The following GNA12 variants were observed in gnomAD, a reference collection of about 807,000 sequenced individuals.
The protein encoded by GNA12 is G protein subunit alpha 12.
In GNA12, 9 loss-of-function variants were observed where a neutral mutation model predicts 26.0. That is an observed-to-expected ratio of 0.35 (90% CI 0.21 to 0.60). The LOEUF (loss-of-function observed/expected upper bound fraction) is 0.60, where lower values mean the gene tolerates loss of function less well. Ranked by LOEUF, GNA12 falls within the 20% of genes least tolerant of loss-of-function variation. The probability of loss-of-function intolerance (pLI) is 0.78; values close to 1 mark genes in which losing one functional copy is unlikely to be tolerated. For missense variants in GNA12, 405 were observed against 525.8 expected (o/e 0.77, Z 2.25); for synonymous variants, 264 against 219.6 (o/e 1.20, Z -1.79).
At chr7:2,838,467 C>T (rs1337616373) in intron 1 of GNA12, among the ~76,000 whole-genome samples, 1 of 151,918 alleles carries the variant, frequency 6.6e-6, no homozygotes, top group East Asian at 1.9e-4. Context: ...ATCTGTAGTC[C>T]CGGCTACTAG....
intron 2 of GNA12, among the ~76,000 whole-genome samples, chr7:2,783,407 C>A (rs764251880): frequency 6.6e-6 from 1 of 152,114 alleles, no homozygotes; most frequent in Non-Finnish European, 1.5e-5. Context: ...CCTCTCCCTG[C>A]CCTGCTTCTC....
chr7:2,815,102 G>T, intron 1 of GNA12: 1 of 1,096,864 alleles, frequency 9.1e-7, no homozygotes, highest in Non-Finnish European at 1.3e-6. Context: ...GACAGACAAG[G>T]CCTTGCCCGC....
intron 1 of GNA12, among the ~76,000 whole-genome samples, chr7:2,806,146 T>C (rs1031168913): frequency 3.3e-5 from 5 of 152,222 alleles, no homozygotes; most frequent in African/African-American, 1.2e-4. Context: ...ACATTCGATT[T>C]GCTATTGGAC....
rs912220200 is a variant in GNA12, at chr7:2,826,095, C to T, written c.309+17758G>A. On this transcript the variant is annotated intron_variant, in intron 1 of 3. Transcript: ENST00000275364. ...AGTTTCTTACAAAACTAAACATACT[C>T]GGGCCGGGGGCGGTGGCTCACACCT... Among the ~76,000 whole-genome samples the T allele has an allele frequency of 7.2e-5, 11 of 151,972 alleles. No individual in the cohort carries two copies. In the South Asian group the frequency reaches 1.0e-3, roughly 14 times the overall value.
intron 2 of GNA12, among the ~76,000 whole-genome samples, chr7:2,734,387 G>A (rs1790052982): frequency 6.6e-6 from 1 of 152,244 alleles, no homozygotes; most frequent in African/African-American, 2.4e-5. Flanking sequence ...AGCAGGCGGG[G>A]TCAAGGCTTC....
At chr7:2,796,159 G>A (rs938040433) in intron 1 of GNA12, among the ~76,000 whole-genome samples, 1 of 152,088 alleles carries the variant, frequency 6.6e-6, no homozygotes, top group African/African-American at 2.4e-5. Context: ...AACAACTATA[G>A]TAGCCTCCAC....
At chr7:2,792,158 G>C (rs139396713) in intron 2 of GNA12, among the ~76,000 whole-genome samples, 1 of 152,198 alleles carries the variant, frequency 6.6e-6, no homozygotes, top group South Asian at 2.1e-4. Context: ...ACAGGCTCAT[G>C]TTTGGTCTTC....
intron 1 of GNA12, among the ~76,000 whole-genome samples, chr7:2,830,941 A>C (rs1002502661): frequency 4.2e-5 from 6 of 143,764 alleles, no homozygotes; most frequent in Admixed American, 7.1e-5. Context: ...ACCCTGTCTC[A>C]AAAAAATTAA....
intron 1 of GNA12, among the ~76,000 whole-genome samples, chr7:2,836,251 C>A (rs1202655526): frequency 1.3e-5 from 2 of 152,140 alleles, no homozygotes; most frequent in African/African-American, 2.4e-5. Context: ...GATGGAAAAG[C>A]CCCAGACACT....
At chr7:2,744,346 G>A (rs778132442) in intron 2 of GNA12, among the ~76,000 whole-genome samples, 7 of 152,184 alleles carry the variant, frequency 4.6e-5, no homozygotes, top group Non-Finnish European at 8.8e-5. Flanking sequence ...TCAGGCAGCA[G>A]CATTTGTGGG....
chr7:2,840,786 C>G (rs982802626), intron 1 of GNA12, among the ~76,000 whole-genome samples: 1 of 152,030 alleles, frequency 6.6e-6, no homozygotes, highest in Non-Finnish European at 1.5e-5. Flanking sequence ...CGAGGCGACG[C>G]AAGGCCACAG....
At chr7:2,794,066 G>A (rs1268803318) in intron 2 of GNA12, among the ~76,000 whole-genome samples, 1 of 152,182 alleles carries the variant, frequency 6.6e-6, no homozygotes, top group Admixed American at 6.5e-5. Flanking sequence ...AACATGTGGA[G>A]TGAAAAAGGC....
chr7:2,843,836 C>A lies in GNA12; in HGVS notation c.309+17G>T. 1 of 1,407,802 alleles carries A rather than the reference C, an allele frequency of 7.1e-7. No individual in the cohort carries two copies. Among genetic ancestry groups the A allele is most frequent in the African/African-American group, 1.5e-5 (1 of 65,314 alleles). 87.2% of individuals were successfully genotyped at this position (1,407,802 alleles called of 1,614,324 possible). A position where few individuals can be genotyped will look rare whatever the true frequency, so the allele number is the denominator to read the frequency against. On this transcript the variant is annotated intron_variant, in intron 1 of 3. Coordinates refer to ENST00000275364, the MANE Select transcript of GNA12 (RefSeq NM_007353.3). ...GGCCCACCTGGGTGCAGGTGCTGGGCGGGGGGCGCGCGTCACCTTGAGGAT... is the reference window on the plus strand; with the variant it reads ...GGCCCACCTGGGTGCAGGTGCTGGGAGGGGGGCGCGCGTCACCTTGAGGAT...
chr7:2,796,264 G>A (rs964396480), intron 1 of GNA12, among the ~76,000 whole-genome samples: 1 of 152,132 alleles, frequency 6.6e-6, no homozygotes, highest in Non-Finnish European at 1.5e-5. Flanking sequence ...TTTAATTTAT[G>A]AATTAGGCAC....
At chr7:2,802,809 G>A (rs1247073017) in intron 1 of GNA12, among the ~76,000 whole-genome samples, 2 of 152,158 alleles carry the variant, frequency 1.3e-5, no homozygotes, top group East Asian at 3.9e-4. Flanking sequence ...CAAAGACAGC[G>A]CCTCTTAGTT....
intron 1 of GNA12, among the ~76,000 whole-genome samples, chr7:2,805,544 A>C (rs1011382708): frequency 6.6e-6 from 1 of 152,182 alleles, no homozygotes; most frequent in Non-Finnish European, 1.5e-5. Context: ...TGCTGTGAGT[A>C]TCTGGAGAGA....
At chr7:2,810,780 C>T (rs895294172) in intron 1 of GNA12, among the ~76,000 whole-genome samples, 2 of 152,126 alleles carry the variant, frequency 1.3e-5, no homozygotes, top group African/African-American at 4.8e-5. Context: ...TGCCTGTGAT[C>T]CCAGCTACGT....
At chr7:2,822,668 C>T (rs568736093) in intron 1 of GNA12, among the ~76,000 whole-genome samples, 3 of 152,268 alleles carry the variant, frequency 2.0e-5, no homozygotes, top group Non-Finnish European at 4.4e-5. Flanking sequence ...AAAAATTAGC[C>T]AGGCGTGGTG....
intron 2 of GNA12, among the ~76,000 whole-genome samples, chr7:2,784,666 G>A (rs1172816886): frequency 6.6e-6 from 1 of 152,164 alleles, no homozygotes; most frequent in African/African-American, 2.4e-5. Flanking sequence ...TTTCCACAAT[G>A]AGTGGCATGG....
Sources: allele counts gnomAD v4.1 joint callset (sites outside exome capture counted in the v4.1 genomes callset), GRCh38; gene constraint gnomAD v4.1.1; transcripts MANE v1.5; gene names NCBI Gene and HGNC (gene_info 2026-07-23, HGNC 2026-07-21).